Variants in TMF1 observed in about 807,000 individuals in gnomAD.
TMF1 encodes the protein TATA element modulatory factor 1, also known as TATA element modulatory factor.
In TMF1, 71 loss-of-function variants were observed where a neutral mutation model predicts 126.5. The observed-to-expected ratio is 0.56, with a 90% CI of 0.46 to 0.68. The LOEUF (loss-of-function observed/expected upper bound fraction) is 0.68, where lower values mean the gene tolerates loss of function less well. Among genes scored for constraint, TMF1 ranks in the 30% least tolerant of loss-of-function variants. The pLI, the probability that TMF1 is intolerant of heterozygous loss-of-function variation, is 0.00. For missense variants in TMF1, 1,259 were observed against 1,253.2 expected (o/e 1.00, Z -0.07); for synonymous variants, 461 against 430.5 (o/e 1.07, Z -0.88).
At chr3:69,024,895 T>C (rs1166284320) in intron 15 of TMF1, 3 of 147,874 alleles carry the variant, frequency 2.0e-5, no homozygotes, top group East Asian at 4.0e-4. Flanking sequence ...AAATGCTCAA[T>C]TGAGCTTTTC....
At chr3:69,044,969 G>A (rs528197622) in intron 2 of TMF1, among the ~76,000 whole-genome samples, 13 of 152,120 alleles carry the variant, frequency 8.5e-5, no homozygotes, top group East Asian at 1.9e-4. Flanking sequence ...GTAGCTTCCT[G>A]GTAATAGCAA....
intron 4 of TMF1, among the ~76,000 whole-genome samples, chr3:69,043,509 G>A (rs2091878799): frequency 6.6e-6 from 1 of 152,102 alleles, no homozygotes; most frequent in Admixed American, 6.6e-5. Flanking sequence ...GTCTCACCAT[G>A]TTACCCAGGC....
At chr3:69,033,944 G>C (rs997081884) in intron 9 of TMF1, 1 of 310,852 alleles carries the variant, frequency 3.2e-6, no homozygotes, top group African/African-American at 2.2e-5. Context: ...GATCCTCCCA[G>C]CTGGGACTAC....
chr3:69,051,739 G>A (rs34175383), intron 1 of TMF1, among the ~76,000 whole-genome samples: 63,074 of 151,920 alleles, frequency 0.42, 13,527 homozygotes, highest in Non-Finnish European at 0.46. Flanking sequence ...AGAAAGACAA[G>A]GGGGAACCTG....
intron 15 of TMF1, chr3:69,025,322 T>C: frequency 2.5e-6 from 1 of 403,386 alleles, no homozygotes; most frequent in Non-Finnish European, 4.4e-6. Flanking sequence ...GCATTTCCTG[T>C]GACAGATCAG....
intron 16 of TMF1, 43 bp downstream of exon 16, chr3:69,024,012 A>G (rs2091752943): frequency 6.5e-7 from 1 of 1,535,012 alleles, no homozygotes; most frequent in Non-Finnish European, 8.7e-7. Context: ...AAAGTAAATG[A>G]ACTAAAATAT....
In TMF1 at chr3:69,022,272, T is replaced by A. The variant is rs1420594229; in HGVS notation, c.*905A>T. On this transcript the variant is annotated 3_prime_UTR_variant, in exon 17 of 17. Transcript: ENST00000398559. ...ATTCTGTAATATCAAACATTCATTT[T>A]TAATGTGCTAAAAATATGGGTTTAC... is the stretch of plus-strand genomic sequence containing the variant. 1 of 152,292 alleles carries A rather than the reference T, an allele frequency of 6.6e-6. No individual in the cohort carries two copies. The highest frequency in any genetic ancestry group is 1.5e-5 in the Non-Finnish European group (1 of 68,020). 9.4% of individuals were successfully genotyped at this position (152,292 alleles called of 1,614,324 possible). A position where few individuals can be genotyped will look rare whatever the true frequency, so the allele number is the denominator to read the frequency against.
rs764547047 is a variant in TMF1 at position 69,024,125 on chromosome 3, T to A, written c.3068A>T (p.Lys1023Ile). ...AAGTTCATCATTTTGATTTGTTAAT[T>A]TAACTAGTTCTTCAGCCATTATTGA... Reference protein sequence around the residue: ...TRSIMAEELVKLTNQNDELEE... With the variant: ...TRSIMAEELVILTNQNDELEE... The change falls in exon 16 of 17, where the codon AAA (lysine) becomes ATA (isoleucine). Residue 1023 changes from lysine to isoleucine, a missense_variant. Transcript: ENST00000398559. The A allele has an allele frequency of 6.2e-7, 1 of 1,610,758 alleles. No individual in the cohort carries two copies. The highest frequency in any genetic ancestry group is 8.5e-7 in the Non-Finnish European group (1 of 1,178,646).
intron 5 of TMF1, chr3:69,040,251 T>C (rs892732041): frequency 1.3e-5 from 2 of 152,550 alleles, no homozygotes; most frequent in Non-Finnish European, 2.9e-5. Flanking sequence ...TCAAATGCAA[T>C]GGGCAAACTT....
intron 8 of TMF1, chr3:69,035,400 C>T (rs577809372): frequency 2.0e-5 from 7 of 346,712 alleles, no homozygotes; most frequent in East Asian, 5.9e-5. Flanking sequence ...AAAGACAGTG[C>T]GTCTATAAAT....
At chr3:69,045,496 G>T (rs1294582940) in intron 2 of TMF1, among the ~76,000 whole-genome samples, 2 of 146,536 alleles carry the variant, frequency 1.4e-5, no homozygotes, top group African/African-American at 2.5e-5. Flanking sequence ...AATAAAAGTA[G>T]AGGCCGGGCA....
At chr3:69,044,412 C>A in intron 3 of TMF1, 80 bp downstream of exon 3, 1 of 739,534 alleles carries the variant, frequency 1.4e-6, no homozygotes, top group Non-Finnish European at 2.1e-6. Flanking sequence ...ATTTTAATTT[C>A]AAAAACATTC....
chr3:69,020,168 C>G lies in TMF1; in HGVS notation c.*3009G>C, dbSNP rs1408269605. On this transcript the variant is annotated 3_prime_UTR_variant, in exon 17 of 17. Coordinates refer to ENST00000398559, the MANE Select transcript of TMF1 (RefSeq NM_007114.3). The stretch of plus-strand genomic sequence containing the variant: ...ATTCAAATAAAACTCTCAATAAATG[C>G]CAACTGAAGAGATGGAGAAAAAAAA... 3 of 152,018 alleles carry G rather than the reference C, an allele frequency of 2.0e-5. No homozygotes were observed. Among genetic ancestry groups the G allele is most frequent in the Admixed American group, 1.3e-4 (2 of 15,262 alleles). The allele number at this position is 152,018 out of a possible 1,614,324, so 9.4% of individuals were successfully genotyped here.
rs376039606 is a variant in TMF1, at chr3:69,038,569, T to G, written c.2146A>C (p.Ile716Leu). Reference sequence around the variant, plus strand: ...ATTCATCATCCATTGCTTACTTGAATGGCTAATGTTTCTTGCTGCTGACGG... The same window carrying G: ...ATTCATCATCCATTGCTTACTTGAAGGGCTAATGTTTCTTGCTGCTGACGG... ...EARQQQETLAIQVGDLRLALQ... is the reference protein window; with the variant it reads ...EARQQQETLALQVGDLRLALQ... The change falls in exon 8 of 17, where the codon ATT becomes CTT. Residue 716 changes from isoleucine (I) to leucine (L), a missense_variant. Ile to Leu is a conservative substitution (Grantham distance 5). Transcript: ENST00000398559. The G allele has an allele frequency of 2.4e-5, 38 of 1,612,020 alleles. No individual in the cohort carries two copies. Among genetic ancestry groups the G allele is most frequent in the Middle Eastern group, 3.3e-4 (2 of 6,048 alleles).
intron 8 of TMF1, among the ~76,000 whole-genome samples, chr3:69,038,125 A>G (rs754073166): frequency 3.9e-5 from 6 of 152,242 alleles, no homozygotes; most frequent in Non-Finnish European, 5.9e-5. Flanking sequence ...GATAATAACC[A>G]CAAAGTATAA....
chr3:69,030,017 G>C lies in TMF1; in HGVS notation c.2402-10C>G. On this transcript the variant is annotated splice_polypyrimidine_tract_variant and intron_variant, in intron 10 of 16. Coordinates refer to ENST00000398559, the MANE Select transcript of TMF1 (RefSeq NM_007114.3). Reference sequence around the variant, plus strand: ...AAGGTCTGGGATTCACCTGATTACAGGACAGAAAAAAAAATCACATACACA... The same window carrying C: ...AAGGTCTGGGATTCACCTGATTACACGACAGAAAAAAAAATCACATACACA... 1 of 1,592,492 alleles carries C rather than the reference G, an allele frequency of 6.3e-7. No homozygotes were observed. The highest frequency in any genetic ancestry group is 1.4e-5 in the African/African-American group (1 of 73,454).
chr3:69,048,392 C>A lies in TMF1; in HGVS notation c.313G>T (p.Asp105Tyr). 6.2e-7 allele frequency: 1 copy of A among 1,614,110 alleles called. No homozygotes were observed. The highest frequency in any genetic ancestry group is 8.5e-7 in the Non-Finnish European group (1 of 1,180,024). Residue 105 changes from aspartate (D) to tyrosine (Y), a missense_variant, in exon 2 of 17, where the codon GAT becomes TAT. Coordinates refer to ENST00000398559, the MANE Select transcript of TMF1 (RefSeq NM_007114.3). ...NFFSAFLSPTDVQTIQKSPVV... is the reference protein window; with the variant it reads ...NFFSAFLSPTYVQTIQKSPVV... ...GGACTCTTCTGAATGGTCTGGACATCAGTTGGCGAGAGAAAGGCACTGAAG... is the reference window on the plus strand; with the variant it reads ...GGACTCTTCTGAATGGTCTGGACATAAGTTGGCGAGAGAAAGGCACTGAAG...
At chr3:69,050,498 G>C (rs1235582176) in intron 1 of TMF1, among the ~76,000 whole-genome samples, 1 of 152,004 alleles carries the variant, frequency 6.6e-6, no homozygotes, top group African/African-American at 2.4e-5. Flanking sequence ...TTGCCTCTTG[G>C]AGAATACTTT....
At chr3:69,031,435 C>T (rs1482859894) in intron 10 of TMF1, among the ~76,000 whole-genome samples, 1 of 151,996 alleles carries the variant, frequency 6.6e-6, no homozygotes, top group Non-Finnish European at 1.5e-5. Context: ...CACACACACA[C>T]ATACACAAAT....
Sources: gnomAD v4.1 joint callset for allele counts (sites outside exome capture counted in the v4.1 genomes callset) on GRCh38, gnomAD v4.1.1 for gene constraint, MANE v1.5 for transcripts, NCBI Gene and HGNC (gene_info 2026-07-23, HGNC 2026-07-21) for gene names.